The following CACNA1D variants were observed in gnomAD, a reference collection of about 807,000 sequenced individuals.
The protein encoded by CACNA1D is voltage-dependent L-type calcium channel subunit alpha-1D.
CACNA1D carries 55 observed loss-of-function variants against 257.1 expected under a neutral mutation model. The ratio of observed to expected loss-of-function variants is 0.21; its 90% CI spans 0.17 to 0.27. CACNA1D has a LOEUF of 0.27. Ranked by LOEUF, CACNA1D falls within the 10% of genes least tolerant of loss-of-function variation. The probability of loss-of-function intolerance (pLI) is 1.00; values close to 1 mark genes in which losing one functional copy is unlikely to be tolerated. For missense variants in CACNA1D, 1,876 were observed against 2,784.0 expected, an observed-to-expected ratio of 0.67 and a Z score of 7.34; for synonymous variants, 980 against 1,014.9, an observed-to-expected ratio of 0.97 and a Z score of 0.65.
intron 3 of CACNA1D, among the ~76,000 whole-genome samples, chr3:53,520,150 T>C (rs2091494076): frequency 6.6e-6 from 1 of 152,228 alleles, no homozygotes; most frequent in Non-Finnish European, 1.5e-5. Context: ...TCAATTCTCT[T>C]GGCTATATTC....
intron 45 of CACNA1D, 24 bp from the exon 46 acceptor site, chr3:53,808,623 CTG>C (rs751420398): frequency 6.9e-6 from 11 of 1,604,528 alleles, no homozygotes. Context: ...TGCTTCACAG[CTG>C]TGTGATGCCC....
chr3:53,675,108 A>G (rs2094361954), intron 8 of CACNA1D, among the ~76,000 whole-genome samples: 1 of 152,122 alleles, frequency 6.6e-6, no homozygotes. Context: ...CACACCAGGG[A>G]CGCATACTGT....
chr3:53,570,763 G>A (rs1171630799), intron 3 of CACNA1D, among the ~76,000 whole-genome samples: 4 of 152,256 alleles, frequency 2.6e-5, no homozygotes, highest in Admixed American at 2.6e-4. Context: ...TCACTCTGCA[G>A]TATGTGGTAA....
At chr3:53,571,969 T>C (rs2092953200) in intron 3 of CACNA1D, among the ~76,000 whole-genome samples, 1 of 152,180 alleles carries the variant, frequency 6.6e-6, no homozygotes, top group Non-Finnish European at 1.5e-5. Flanking sequence ...TCTCTGGAAG[T>C]GCCTTAGACA....
intron 29 of CACNA1D, among the ~76,000 whole-genome samples, chr3:53,759,504 C>T (rs895917370): frequency 8.5e-5 from 13 of 152,352 alleles, no homozygotes; most frequent in Middle Eastern, 3.4e-3. Context: ...GAAGGGCGAA[C>T]GCTGGGTCTC....
intron 21 of CACNA1D, among the ~76,000 whole-genome samples, chr3:53,741,615 A>G (rs2095118995): frequency 1.3e-5 from 2 of 152,148 alleles, no homozygotes; most frequent in African/African-American, 4.8e-5. Context: ...CCTAAGTCAG[A>G]GGTGTGCAGT....
At position 53,805,204 on chromosome 3, in the gene CACNA1D, C is replaced by T. The variant is rs1013458331; in HGVS notation, c.5749+58C>T. The T allele has an allele frequency of 2.3e-5, 35 of 1,536,434 alleles. 1 individual carries two copies. In the South Asian group the frequency reaches 3.8e-4, roughly 17 times the overall value. ...TCCCGGGGAACAGTGTACCTCTCCC[C>T]CAACCCCCGCTCTGGGGGCCGGTGA... is the stretch of plus-strand genomic sequence containing the variant. On this transcript the variant is annotated intron_variant, in intron 45 of 47. Transcript: ENST00000350061.
At chr3:53,759,577 G>A (rs529803151) in intron 29 of CACNA1D, among the ~76,000 whole-genome samples, 1 of 152,370 alleles carries the variant, frequency 6.6e-6, no homozygotes, top group South Asian at 2.1e-4. Context: ...TGATCAAGGT[G>A]TAAATTCCTT....
At chr3:53,559,502 C>G (rs1053581147) in intron 3 of CACNA1D, among the ~76,000 whole-genome samples, 4 of 152,126 alleles carry the variant, frequency 2.6e-5, no homozygotes, top group Non-Finnish European at 4.4e-5. Context: ...AAATTCTGAC[C>G]TGACTTCTCT....
rs1190181694 is a variant in CACNA1D, at chr3:53,800,126, T to G, written c.4924-123T>G. ...CCTTCAGTGACATCAGTCAGTGCCC[T>G]GGATTGGCTTTTGGGGAAGCCTTCC... On this transcript the variant is annotated intron_variant, in intron 40 of 47. Transcript: ENST00000350061. The surrounding 1 kb of genome is among the most constrained non-coding windows in gnomAD (Gnocchi z 4.3). 6.4e-6 allele frequency: 5 copies of G among 787,316 alleles called. No homozygotes were observed. Among genetic ancestry groups the G allele is most frequent in the African/African-American group, 1.7e-5 (1 of 59,230 alleles). 48.8% of individuals were successfully genotyped at this position (787,316 alleles called of 1,614,324 possible). A position where few individuals can be genotyped will look rare whatever the true frequency, so the allele number is the denominator to read the frequency against.
At chr3:53,707,649 C>T (rs1038973709) in intron 9 of CACNA1D, among the ~76,000 whole-genome samples, 12 of 152,128 alleles carry the variant, frequency 7.9e-5, no homozygotes, top group Non-Finnish European at 1.8e-4. Context: ...CTTCAAGTTT[C>T]TTAAGAAACC....
chr3:53,691,862 ATT>A (rs2094529273), intron 8 of CACNA1D, among the ~76,000 whole-genome samples: 1 of 107,684 alleles, frequency 9.3e-6, no homozygotes, highest in Non-Finnish European at 1.8e-5. Context: ...TATAATATAT[ATT>A]ATATATATTA....
chr3:53,655,489 G>T (rs898526815), intron 4 of CACNA1D, among the ~76,000 whole-genome samples: 18 of 152,064 alleles, frequency 1.2e-4, no homozygotes, highest in African/African-American at 4.3e-4. Context: ...GTTATTTTTT[G>T]ACTTTTTAAG....
rs180687566 is a variant in CACNA1D, at chr3:53,633,494, C to T, written c.484-17285C>T. 3.3e-5 allele frequency among the ~76,000 whole-genome samples: 5 copies of T among 152,190 alleles called. No homozygotes were observed. The East Asian group carries it at 9.7e-4, about 29-fold the overall frequency. On this transcript the variant is annotated intron_variant, in intron 3 of 47. Coordinates refer to ENST00000350061, the MANE Select transcript of CACNA1D (RefSeq NM_001128840.3). ...GGCTGAGTTAGAGAAGAGCAAAGTG[C>T]TTGCCCAAGGTTATATAGCTTAGAC...
At chr3:53,672,323 A>G (rs1042365374) in intron 7 of CACNA1D, among the ~76,000 whole-genome samples, 54 of 152,298 alleles carry the variant, frequency 3.5e-4, no homozygotes, top group Non-Finnish European at 1.5e-4. Context: ...CCATTCCCCA[A>G]AGAGCCCGTG....
At chr3:53,738,013 G>A (rs958357542) in intron 20 of CACNA1D, among the ~76,000 whole-genome samples, 1 of 152,170 alleles carries the variant, frequency 6.6e-6, no homozygotes. Context: ...AAGGCAAGAC[G>A]GCTAGAAGCA....
chr3:53,497,540 A>T (rs1457463879), intron 2 of CACNA1D, 79 bp downstream of exon 2: 7 of 1,429,086 alleles, frequency 4.9e-6, no homozygotes, highest in Non-Finnish European at 6.9e-6. Flanking sequence ...TTCTGAAGTG[A>T]CACAAAGCTG....
chr3:53,802,567 C>G (rs1027598371), intron 43 of CACNA1D, among the ~76,000 whole-genome samples: 5 of 152,236 alleles, frequency 3.3e-5, no homozygotes, highest in Non-Finnish European at 7.3e-5. Context: ...TCCTGAAGGT[C>G]AGGAATGGGA....
intron 29 of CACNA1D, among the ~76,000 whole-genome samples, chr3:53,757,938 T>C (rs1056179357): frequency 6.6e-6 from 1 of 152,182 alleles, no homozygotes; most frequent in African/African-American, 2.4e-5. Flanking sequence ...CATGTCTGCC[T>C]CTCTGTTTGT....
Sources: gnomAD v4.1 joint callset for allele counts (sites outside exome capture counted in the v4.1 genomes callset) on GRCh38, gnomAD v4.1.1 for gene constraint, Gnocchi (gnomAD v3.1) non-coding constraint, MANE v1.5 for transcripts, NCBI Gene and HGNC (gene_info 2026-07-23, HGNC 2026-07-21) for gene names.